The following SCHIP1 variants were observed in gnomAD, a reference collection of about 807,000 sequenced individuals.
The protein encoded by SCHIP1 is schwannomin-interacting protein 1.
Under a neutral mutation model 29.7 loss-of-function variants are expected in SCHIP1, and 8 were observed. The observed-to-expected ratio is 0.27, with a 90% CI of 0.16 to 0.49. SCHIP1 has a LOEUF of 0.49. SCHIP1 is among the 20% of genes least tolerant of loss of function. The pLI is 0.99. For missense variants in SCHIP1, 193 were observed against 294.6 expected (o/e 0.66, Z 2.52); for synonymous variants, 76 against 94.9 (o/e 0.80, Z 1.16).
At chr3:159,621,874 C>G in the SCHIP1 span, among the ~76,000 whole-genome samples, 1 of 152,112 alleles carries the variant, frequency 6.6e-6, no homozygotes, top group Non-Finnish European at 1.5e-5. Context: ...CCAGGTTGGC[C>G]AGGCTGATCT....
At chr3:159,468,777 A>ATATATT in the SCHIP1 span, among the ~76,000 whole-genome samples, 13,752 of 126,768 alleles carry the variant, frequency 0.11, 972 homozygotes, top group Non-Finnish European at 0.16. Flanking sequence ...ATATATATAT[A>ATATATT]TTTTTTTTAG....
the SCHIP1 span, among the ~76,000 whole-genome samples, chr3:159,352,557 A>G: frequency 6.6e-6 from 1 of 152,122 alleles, no homozygotes; most frequent in Non-Finnish European, 1.5e-5. Flanking sequence ...CAATTTTCCA[A>G]ACTCTGTGTG....
At chr3:159,517,372 G>T in the SCHIP1 span, among the ~76,000 whole-genome samples, 3 of 152,086 alleles carry the variant, frequency 2.0e-5, no homozygotes, top group Non-Finnish European at 4.4e-5. Flanking sequence ...GAGGAAAAAT[G>T]ACTACTGGGA....
the SCHIP1 span, among the ~76,000 whole-genome samples, chr3:159,553,731 T>C: frequency 6.6e-6 from 1 of 152,166 alleles, no homozygotes; most frequent in African/African-American, 2.4e-5. Context: ...ACTTTGGTCT[T>C]TCCCACTGTA....
chr3:159,782,146 C>G, the SCHIP1 span, among the ~76,000 whole-genome samples: 1 of 152,206 alleles, frequency 6.6e-6, no homozygotes, highest in Non-Finnish European at 1.5e-5. Context: ...GAGACTCTCA[C>G]TGAAAGACCA....
At chr3:159,715,748 A>G in the SCHIP1 span, among the ~76,000 whole-genome samples, 1 of 152,238 alleles carries the variant, frequency 6.6e-6, no homozygotes, top group South Asian at 2.1e-4. Context: ...ATATGGGACT[A>G]TGTGAAAAGA....
the SCHIP1 span, among the ~76,000 whole-genome samples, chr3:159,712,972 A>G: frequency 2.6e-5 from 4 of 151,728 alleles, no homozygotes; most frequent in South Asian, 2.1e-4. Context: ...CAGCCTCAAC[A>G]TGGCAAAACC....
chr3:159,819,895 G>A, the SCHIP1 span, among the ~76,000 whole-genome samples: 1 of 152,132 alleles, frequency 6.6e-6, no homozygotes, highest in Non-Finnish European at 1.5e-5. Context: ...TCACCCTTAG[G>A]TGAGGCGTAG....
chr3:159,409,522 G>T, the SCHIP1 span, among the ~76,000 whole-genome samples: 1 of 151,790 alleles, frequency 6.6e-6, no homozygotes, highest in Non-Finnish European at 1.5e-5. Context: ...TTAAAAACTA[G>T]TCTCATTTAT....
chr3:159,313,642 A>G, the SCHIP1 span, among the ~76,000 whole-genome samples: 5 of 152,312 alleles, frequency 3.3e-5, no homozygotes, highest in East Asian at 9.6e-4. Context: ...AGGTACAGTT[A>G]TCAAAGTAAG....
chr3:159,425,004 C>T, the SCHIP1 span, among the ~76,000 whole-genome samples: 4 of 151,606 alleles, frequency 2.6e-5, no homozygotes, highest in African/African-American at 9.7e-5. Context: ...GAGATTTTGT[C>T]ACCACCAGGC....
the SCHIP1 span, among the ~76,000 whole-genome samples, chr3:159,338,231 A>G: frequency 6.6e-6 from 1 of 152,192 alleles, no homozygotes; most frequent in African/African-American, 2.4e-5. Flanking sequence ...AAGTGTTATA[A>G]ACAATAAAGC....
intron 2 of SCHIP1, among the ~76,000 whole-genome samples, chr3:159,866,663 CCCT>C (rs980607222): frequency 6.6e-6 from 1 of 152,094 alleles, no homozygotes; most frequent in Non-Finnish European, 1.5e-5. Context: ...AGAATCACCC[CCCT>C]GACACATTTG....
chr3:159,467,105 G>C, the SCHIP1 span, among the ~76,000 whole-genome samples: 1 of 151,962 alleles, frequency 6.6e-6, no homozygotes, highest in Non-Finnish European at 1.5e-5. Flanking sequence ...CTCTGTGTGT[G>C]TCTCTCTCTG....
At chr3:159,418,277 T>C in the SCHIP1 span, among the ~76,000 whole-genome samples, 1 of 152,322 alleles carries the variant, frequency 6.6e-6, no homozygotes, top group South Asian at 2.1e-4. Context: ...AGCTTTTTGC[T>C]AGCCAAACAA....
chr3:159,750,253 ATGTGTG>A, the SCHIP1 span, among the ~76,000 whole-genome samples: 24 of 32,486 alleles, frequency 7.4e-4, 1 homozygote, highest in African/African-American at 1.3e-3. Flanking sequence ...ATAGGTGTGT[ATGTGTG>A]TGTGTATATA....
chr3:159,395,784 A>G, the SCHIP1 span, among the ~76,000 whole-genome samples: 1 of 151,490 alleles, frequency 6.6e-6, no homozygotes. Context: ...TGCTGAAAAA[A>G]ATGTATATTC....
chr3:159,530,580 C>T, the SCHIP1 span, among the ~76,000 whole-genome samples: 1 of 152,156 alleles, frequency 6.6e-6, no homozygotes, highest in African/African-American at 2.4e-5. Context: ...CCCTCTTCAC[C>T]ATGGTATGTA....
chr3:159,456,109 C>G, the SCHIP1 span, among the ~76,000 whole-genome samples: 1 of 151,996 alleles, frequency 6.6e-6, no homozygotes, highest in African/African-American at 2.4e-5. Context: ...GGTTTCAGGC[C>G]CAGTTTAGGA....
Sources: allele counts gnomAD v4.1 joint callset (sites outside exome capture counted in the v4.1 genomes callset), GRCh38; gene constraint gnomAD v4.1.1; transcripts MANE v1.5; gene names NCBI Gene and HGNC (gene_info 2026-07-23, HGNC 2026-07-21).